The following SORCS1 variants were observed in gnomAD, a reference collection of about 807,000 sequenced individuals.
The protein encoded by SORCS1 is sortilin related VPS10 domain containing receptor 1, also known as VPS10 domain-containing receptor SorCS1.
A neutral mutation model predicts 146.1 loss-of-function variants in SORCS1; 60 were observed. The observed-to-expected ratio is 0.41, with a 90% CI of 0.33 to 0.51. SORCS1 has a LOEUF of 0.51. SORCS1 is among the 20% of genes least tolerant of loss of function. SORCS1 has a pLI of 0.21. For missense variants in SORCS1, 1,352 were observed against 1,487.6 expected (o/e 0.91, Z 1.50); for synonymous variants, 637 against 584.0 (o/e 1.09, Z -1.31).
At chr10:106,809,459 C>T (rs987006484) in intron 3 of SORCS1, among the ~76,000 whole-genome samples, 2 of 152,148 alleles carry the variant, frequency 1.3e-5, no homozygotes, top group Non-Finnish European at 2.9e-5. Context: ...CCCCTGCTAG[C>T]CCTGTACAAT....
intron 1 of SORCS1, among the ~76,000 whole-genome samples, chr10:106,974,920 T>C (rs149731593): frequency 6.6e-6 from 1 of 152,304 alleles, no homozygotes; most frequent in African/African-American, 2.4e-5. Context: ...ACTTTTTAAA[T>C]TGTCAATGCC....
chr10:106,657,661 A>G (rs1479688672), intron 17 of SORCS1, among the ~76,000 whole-genome samples: 2 of 145,294 alleles, frequency 1.4e-5, no homozygotes, highest in Admixed American at 7.0e-5. Flanking sequence ...ATAACACTAT[A>G]TGTGTGTGTG....
intron 9 of SORCS1, 32 bp from the exon 10 acceptor site, chr10:106,688,370 T>A: frequency 1.2e-6 from 2 of 1,606,486 alleles, no homozygotes; most frequent in Middle Eastern, 1.7e-4. Context: ...GAAAAATACA[T>A]CAATTTGAGA....
intron 6 of SORCS1, among the ~76,000 whole-genome samples, chr10:106,711,135 T>C (rs553297281): frequency 2.0e-5 from 3 of 152,364 alleles, no homozygotes; most frequent in African/African-American, 7.2e-5. Context: ...CACTGTTGTG[T>C]CCACCAGATC....
At chr10:106,787,799 G>C (rs773834103) in intron 3 of SORCS1, among the ~76,000 whole-genome samples, 7 of 152,076 alleles carry the variant, frequency 4.6e-5, no homozygotes, top group Non-Finnish European at 7.4e-5. Context: ...TCCTAATCAA[G>C]GGGCTACCAT....
intron 12 of SORCS1, 126 bp from the exon 13 acceptor site, chr10:106,677,530 G>C (rs1375443679): frequency 1.3e-6 from 1 of 782,938 alleles, no homozygotes; most frequent in East Asian, 2.7e-5. Flanking sequence ...CTAAATCTTT[G>C]CGAAAATAAA....
At chr10:107,150,183 C>G (rs1348445990) in intron 1 of SORCS1, among the ~76,000 whole-genome samples, 1 of 152,204 alleles carries the variant, frequency 6.6e-6, no homozygotes, top group Admixed American at 6.5e-5. Flanking sequence ...ATTCCCAGCG[C>G]TCAGCACAGT....
intron 2 of SORCS1, among the ~76,000 whole-genome samples, chr10:106,908,764 G>C (rs1007770833): frequency 5.3e-5 from 8 of 152,152 alleles, no homozygotes; most frequent in African/African-American, 1.9e-4. Flanking sequence ...TACGTGAGCA[G>C]GCTGCACAGC....
chr10:107,164,741 C>T (rs1388905529), upstream of SORCS1, among the ~76,000 whole-genome samples: 2 of 149,826 alleles, frequency 1.3e-5, no homozygotes, highest in Admixed American at 6.6e-5. This position sits in a 1 kb window ranked among gnomAD's most constrained non-coding sequence, Gnocchi z 6.8. Flanking sequence ...GAGCCGCCGC[C>T]GCGCGGGGGT....
At chr10:107,125,984 G>T (rs1021763637) in intron 1 of SORCS1, among the ~76,000 whole-genome samples, 1 of 152,052 alleles carries the variant, frequency 6.6e-6, no homozygotes, top group African/African-American at 2.4e-5. Context: ...GTAAGCTAAC[G>T]TGTTGGGCAA....
At chr10:106,926,852 CACACACACACACACAGAGAGAG>C (rs1248553090) in intron 2 of SORCS1, among the ~76,000 whole-genome samples, 21 of 116,638 alleles carry the variant, frequency 1.8e-4, no homozygotes, top group Admixed American at 9.5e-4. Flanking sequence ...CACACACACA[CACACACACACACACAGAGAGAG>C]AGAGAGAGAG....
chr10:107,167,134 A>G (rs1705726365), upstream of SORCS1, among the ~76,000 whole-genome samples: 1 of 152,264 alleles, frequency 6.6e-6, no homozygotes, highest in Admixed American at 6.5e-5. Context: ...AGTGTGGATG[A>G]CATTGGCTGC....
chr10:106,690,569 A>C (rs1177096267), intron 9 of SORCS1, among the ~76,000 whole-genome samples: 1 of 152,150 alleles, frequency 6.6e-6, no homozygotes, highest in African/African-American at 2.4e-5. Flanking sequence ...ATGCCACTTG[A>C]GCAAAGAGCT....
chr10:107,111,472 A>C (rs904250587), intron 1 of SORCS1, among the ~76,000 whole-genome samples: 15 of 152,202 alleles, frequency 9.9e-5, no homozygotes, highest in Admixed American at 9.2e-4. Flanking sequence ...TATGCAGAAG[A>C]AATAATTAGT....
intron 9 of SORCS1, among the ~76,000 whole-genome samples, chr10:106,696,185 G>T (rs1216758829): frequency 2.0e-5 from 3 of 152,170 alleles, no homozygotes; most frequent in African/African-American, 7.2e-5. Flanking sequence ...CCCCAAATGT[G>T]AGCAGACATG....
intron 1 of SORCS1, among the ~76,000 whole-genome samples, chr10:107,132,071 T>C (rs182513220): frequency 9.8e-5 from 15 of 152,312 alleles, no homozygotes; most frequent in South Asian, 2.1e-4. Context: ...TAAGAACTTA[T>C]AGATAATTCT....
intron 3 of SORCS1, among the ~76,000 whole-genome samples, chr10:106,795,054 G>T (rs147095385): frequency 0.016 from 2,386 of 152,288 alleles, 27 homozygotes; most frequent in Non-Finnish European, 0.022. Flanking sequence ...CACAGAGTGG[G>T]TGTTCATTAT....
At chr10:106,694,392 TGGGACTTC>T (rs1240739085) in intron 9 of SORCS1, among the ~76,000 whole-genome samples, 2 of 152,194 alleles carry the variant, frequency 1.3e-5, no homozygotes, top group Non-Finnish European at 1.5e-5. Flanking sequence ...CCCAAGTAGC[TGGGACTTC>T]ACCACACCCA....
chr10:106,901,485 T>G (rs2138078434), intron 2 of SORCS1, among the ~76,000 whole-genome samples: 1 of 152,280 alleles, frequency 6.6e-6, no homozygotes, highest in African/African-American at 2.4e-5. Flanking sequence ...CAGGCTGGAG[T>G]GCAGTGGCAT....
Sources: gnomAD v4.1 joint callset for allele counts (sites outside exome capture counted in the v4.1 genomes callset) on GRCh38, gnomAD v4.1.1 for gene constraint, Gnocchi (gnomAD v3.1) non-coding constraint, MANE v1.5 for transcripts, NCBI Gene and HGNC (gene_info 2026-07-23, HGNC 2026-07-21) for gene names.